PRKAR1A: variants seen among roughly 807,000 people sequenced by gnomAD.
PRKAR1A encodes protein kinase cAMP-dependent type I regulatory subunit alpha.
A neutral mutation model predicts 52.0 loss-of-function variants in PRKAR1A; 3 were observed. That is an observed-to-expected ratio of 0.06 (90% CI 0.03 to 0.15). The LOEUF is 0.15. PRKAR1A is among the 10% of genes least tolerant of loss of function. PRKAR1A has a pLI of 1.00. For missense variants in PRKAR1A, 240 were observed against 477.4 expected, an observed-to-expected ratio of 0.50 and a Z score of 4.63; for synonymous variants, 188 against 168.4, an observed-to-expected ratio of 1.12 and a Z score of -0.90.
chr17:68,456,023 C>T, the PRKAR1A span, among the ~76,000 whole-genome samples: 3 of 152,062 alleles, frequency 2.0e-5, no homozygotes, highest in African/African-American at 7.2e-5. Flanking sequence ...GATCCTAAAA[C>T]GCAATTCAGT....
the PRKAR1A span, among the ~76,000 whole-genome samples, chr17:68,433,764 T>G: frequency 0.036 from 465 of 12,788 alleles, 14 homozygotes; most frequent in Non-Finnish European, 0.051. Context: ...GTCATAGTTT[T>G]TTTTTTTTTT....
the PRKAR1A span, among the ~76,000 whole-genome samples, chr17:68,494,469 G>C: frequency 6.6e-6 from 1 of 152,118 alleles, no homozygotes; most frequent in Non-Finnish European, 1.5e-5. Context: ...TTGAACCCAG[G>C]AGTTAGAGGT....
chr17:68,474,894 GATAA>G, the PRKAR1A span, among the ~76,000 whole-genome samples: 31 of 151,990 alleles, frequency 2.0e-4, no homozygotes, highest in Non-Finnish European at 3.7e-4. Context: ...AATAAATAAA[GATAA>G]ATAAATCACA....
chr17:68,499,408 A>AGG, the PRKAR1A span, among the ~76,000 whole-genome samples: 1 of 109,106 alleles, frequency 9.2e-6, no homozygotes, highest in African/African-American at 2.9e-5. Flanking sequence ...GAGAGAGAGG[A>AGG]GGGATATAAG....
At position 68,530,045 on chromosome 17, in the gene PRKAR1A, T is replaced by A. The variant is rs769757713; in HGVS notation, c.973+44T>A. On this transcript the variant is annotated intron_variant, in intron 10 of 10. Transcript: ENST00000589228. ...ACAATAAATACATGGTTTCTTTAAG[T>A]CACCTCTCAGTGAGATATTGTAGTC... 5 of 1,584,358 alleles carry A rather than the reference T, an allele frequency of 3.2e-6. No homozygotes were observed. In the Admixed American group the frequency reaches 6.7e-5, roughly 21 times the overall value.
At chr17:68,427,304 T>G in the PRKAR1A span, 2 of 1,360,644 alleles carry the variant, frequency 1.5e-6, no homozygotes, top group Non-Finnish European at 2.1e-6. Context: ...TCATCATATA[T>G]CTAGGACACC....
chr17:68,459,977 T>C, the PRKAR1A span, among the ~76,000 whole-genome samples: 2 of 151,816 alleles, frequency 1.3e-5, no homozygotes, highest in South Asian at 2.1e-4. Flanking sequence ...CCCGCCACCA[T>C]GCCCAGCTAA....
chr17:68,463,507 G>T, the PRKAR1A span, among the ~76,000 whole-genome samples: 6 of 152,150 alleles, frequency 3.9e-5, no homozygotes, highest in African/African-American at 1.4e-4. Context: ...AAAAACCCCT[G>T]CCCACCTGGG....
chr17:68,434,594 A>T, the PRKAR1A span: 1 of 1,614,054 alleles, frequency 6.2e-7, no homozygotes, highest in Non-Finnish European at 8.5e-7. Flanking sequence ...GCTTTTGCCC[A>T]TCAGGGACAG....
At chr17:68,472,686 C>G in the PRKAR1A span, among the ~76,000 whole-genome samples, 4 of 152,110 alleles carry the variant, frequency 2.6e-5, no homozygotes, top group Admixed American at 6.6e-5. Flanking sequence ...TAGCTCATGC[C>G]TGTAATCCCA....
chr17:68,507,886 A>G (rs2085217646), upstream of PRKAR1A, among the ~76,000 whole-genome samples: 1 of 152,230 alleles, frequency 6.6e-6, no homozygotes, highest in Admixed American at 6.5e-5. Context: ...CATGCTTGTG[A>G]TAATTAATTT....
chr17:68,420,791 T>G, the PRKAR1A span: 2 of 310,854 alleles, frequency 6.4e-6, no homozygotes, highest in South Asian at 1.1e-4. Flanking sequence ...AATAAAGGCA[T>G]ACATGAAAAT....
the PRKAR1A span, among the ~76,000 whole-genome samples, chr17:68,466,859 T>C: frequency 6.6e-5 from 10 of 152,208 alleles, no homozygotes; most frequent in African/African-American, 1.2e-4. Flanking sequence ...CTCCGTTATC[T>C]GGTTCCAAAA....
intron 11 of PRKAR1A, chr17:68,542,872 G>A (rs2086371697): frequency 8.4e-6 from 11 of 1,312,506 alleles, no homozygotes; most frequent in South Asian, 1.2e-5. Flanking sequence ...GAGGGGTTTT[G>A]TCCCCCGGCC....
chr17:68,438,360 T>G, the PRKAR1A span, among the ~76,000 whole-genome samples: 2 of 152,326 alleles, frequency 1.3e-5, no homozygotes, highest in African/African-American at 4.8e-5. Flanking sequence ...CCTTCTGAAT[T>G]CTTTGCTATC....
At chr17:68,448,187 G>A in the PRKAR1A span, 1 of 152,020 alleles carries the variant, frequency 6.6e-6, no homozygotes, top group Non-Finnish European at 1.5e-5. Context: ...CAGTCCTCCC[G>A]GACACCACAG....
At chr17:68,474,963 G>A in the PRKAR1A span, among the ~76,000 whole-genome samples, 1 of 151,796 alleles carries the variant, frequency 6.6e-6, no homozygotes. Context: ...TAAAAAAAAT[G>A]TAATGTCTTT....
chr17:68,450,443 C>A, the PRKAR1A span, among the ~76,000 whole-genome samples: 6 of 152,300 alleles, frequency 3.9e-5, no homozygotes, highest in African/African-American at 9.6e-5. Flanking sequence ...AGAGCTCTGA[C>A]CCATCCCTGC....
the PRKAR1A span, chr17:68,425,819 G>T: frequency 2.5e-6 from 1 of 405,752 alleles, no homozygotes; most frequent in Non-Finnish European, 4.4e-6. Context: ...TGGCTGGAGG[G>T]AGGCCACCAA....
Sources: allele counts gnomAD v4.1 joint callset (sites outside exome capture counted in the v4.1 genomes callset), GRCh38; gene constraint gnomAD v4.1.1; transcripts MANE v1.5; gene names NCBI Gene and HGNC (gene_info 2026-07-23, HGNC 2026-07-21).